The following STXBP5L variants were observed in gnomAD, a reference collection of about 807,000 sequenced individuals.
STXBP5L encodes syntaxin binding protein 5L.
A neutral mutation model predicts 144.5 loss-of-function variants in STXBP5L; 65 were observed. The observed-to-expected ratio is 0.45, with a 90% CI of 0.37 to 0.55. The LOEUF (loss-of-function observed/expected upper bound fraction) is 0.55. Among genes scored for constraint, STXBP5L ranks in the 20% least tolerant of loss-of-function variants. STXBP5L has a pLI of 0.00. For synonymous variants in STXBP5L, 505 were observed against 469.6 expected, an observed-to-expected ratio of 1.08 and a Z score of -0.97; for missense variants, 1,298 against 1,405.5, an observed-to-expected ratio of 0.92 and a Z score of 1.22.
At chr3:120,942,470 A>G (rs1420112766) in intron 2 of STXBP5L, among the ~76,000 whole-genome samples, 2 of 151,574 alleles carry the variant, frequency 1.3e-5, no homozygotes, top group Non-Finnish European at 3.0e-5. Flanking sequence ...ACCACTTTAT[A>G]TAATAGAAAA....
At chr3:121,166,838 C>T (rs1161757402) in intron 9 of STXBP5L, among the ~76,000 whole-genome samples, 1 of 152,024 alleles carries the variant, frequency 6.6e-6, no homozygotes, top group Non-Finnish European at 1.5e-5. Context: ...AACTTATTCT[C>T]AAATAGCTCA....
rs140015170 is a variant in STXBP5L, at chr3:121,383,605, C to T, written c.2587+2073C>T. On this transcript the variant is annotated intron_variant, in intron 22 of 26. Coordinates refer to ENST00000471454, the MANE Select transcript of STXBP5L (RefSeq NM_001308330.2). ...AGGAGAAAGCCATGAGTCTGGGTTC[C>T]CATGTTTGTTCTGTAATTAACCATT... Among the ~76,000 whole-genome samples the T allele has an allele frequency of 6.7e-3, 1,019 of 151,938 alleles. 12 individuals carry two copies. Among genetic ancestry groups the T allele is most frequent in the African/African-American group, 0.022 (917 of 41,446 alleles).
intron 22 of STXBP5L, among the ~76,000 whole-genome samples, chr3:121,406,417 G>T (rs1393978080): frequency 1.3e-5 from 2 of 152,142 alleles, no homozygotes; most frequent in East Asian, 3.9e-4. Flanking sequence ...TCTGCATGAT[G>T]TAAAAGGACA....
At chr3:120,948,170 G>T (rs567722172) in intron 2 of STXBP5L, among the ~76,000 whole-genome samples, 41 of 151,586 alleles carry the variant, frequency 2.7e-4, no homozygotes, top group African/African-American at 9.6e-4. Context: ...GTATCTTGTT[G>T]ATATGATTTA....
intron 20 of STXBP5L, among the ~76,000 whole-genome samples, chr3:121,341,843 T>C (rs1228128924): frequency 1.4e-5 from 2 of 147,082 alleles, no homozygotes; most frequent in Non-Finnish European, 3.0e-5. Flanking sequence ...AGAGAGATAC[T>C]AGAGGCTGAG....
intron 3 of STXBP5L, among the ~76,000 whole-genome samples, chr3:120,962,806 G>T (rs1939024350): frequency 6.6e-6 from 1 of 152,134 alleles, no homozygotes; most frequent in Non-Finnish European, 1.5e-5. Flanking sequence ...TTCCAATTCT[G>T]TGAAGAAAGT....
intron 5 of STXBP5L, among the ~76,000 whole-genome samples, chr3:121,085,456 A>G (rs12632389): frequency 0.011 from 1,699 of 152,294 alleles, 48 homozygotes; most frequent in South Asian, 0.069. Flanking sequence ...TAAACTGATA[A>G]GCAACTTCAG....
intron 9 of STXBP5L, among the ~76,000 whole-genome samples, chr3:121,177,075 C>G (rs2046965632): frequency 6.7e-6 from 1 of 148,410 alleles, no homozygotes; most frequent in African/African-American, 2.5e-5. Context: ...GGCCAATATG[C>G]AAAAACTAGA....
At chr3:121,083,965 TC>T (rs1237834983) in intron 5 of STXBP5L, among the ~76,000 whole-genome samples, 6 of 152,032 alleles carry the variant, frequency 3.9e-5, no homozygotes, top group Non-Finnish European at 8.8e-5. Flanking sequence ...CACTGTTTTT[TC>T]TTTTTTTCTC....
intron 5 of STXBP5L, among the ~76,000 whole-genome samples, chr3:121,054,704 C>T (rs189434582): frequency 6.6e-6 from 1 of 152,010 alleles, no homozygotes; most frequent in African/African-American, 2.4e-5. Context: ...CAAACCTGCA[C>T]ATTGTGCACA....
chr3:120,963,327 T>C (rs1939104797), intron 3 of STXBP5L, among the ~76,000 whole-genome samples: 1 of 152,202 alleles, frequency 6.6e-6, no homozygotes, highest in Non-Finnish European at 1.5e-5. Context: ...ATAGGAATAG[T>C]GAGAAAGGGC....
At chr3:120,995,243 G>T (rs1000122168) in intron 3 of STXBP5L, among the ~76,000 whole-genome samples, 1 of 152,074 alleles carries the variant, frequency 6.6e-6, no homozygotes, top group Non-Finnish European at 1.5e-5. Flanking sequence ...GACCTTCTAG[G>T]CTCAAGCGAT....
At chr3:120,921,929 G>T (rs1709377417) in intron 2 of STXBP5L, among the ~76,000 whole-genome samples, 2 of 151,638 alleles carry the variant, frequency 1.3e-5, no homozygotes, top group South Asian at 4.1e-4. Flanking sequence ...TTTGCTCAGG[G>T]TTTCTTTGGC....
intron 20 of STXBP5L, among the ~76,000 whole-genome samples, chr3:121,340,736 G>A (rs2044679152): frequency 6.6e-6 from 1 of 152,030 alleles, no homozygotes; most frequent in Non-Finnish European, 1.5e-5. Flanking sequence ...GGTTTGCGGT[G>A]TGTAAATTGC....
At chr3:120,976,750 G>A (rs147218837) in intron 3 of STXBP5L, among the ~76,000 whole-genome samples, 1 of 152,110 alleles carries the variant, frequency 6.6e-6, no homozygotes, top group Non-Finnish European at 1.5e-5. Context: ...TTGTGTCTTT[G>A]TTCTCACTGG....
At chr3:121,009,253 A>C (rs1944589649) in intron 3 of STXBP5L, among the ~76,000 whole-genome samples, 1 of 151,800 alleles carries the variant, frequency 6.6e-6, no homozygotes, top group South Asian at 2.1e-4. Context: ...GACATAAGAA[A>C]TAAGAATCCA....
intron 9 of STXBP5L, among the ~76,000 whole-genome samples, chr3:121,186,181 C>T (rs1175069958): frequency 6.6e-6 from 1 of 152,170 alleles, no homozygotes; most frequent in Non-Finnish European, 1.5e-5. Flanking sequence ...TACCTATCAG[C>T]TTAAGGAGGT....
chr3:121,213,541 C>A (rs2048661763), intron 10 of STXBP5L, among the ~76,000 whole-genome samples: 1 of 152,150 alleles, frequency 6.6e-6, no homozygotes, highest in Non-Finnish European at 1.5e-5. Flanking sequence ...TTGAATCAAC[C>A]TTGCATCCCA....
chr3:121,215,670 A>T (rs2048751342), intron 10 of STXBP5L, among the ~76,000 whole-genome samples: 1 of 152,074 alleles, frequency 6.6e-6, no homozygotes, highest in South Asian at 2.1e-4. Flanking sequence ...GAATCTGACG[A>T]TTATGTGTCT....
Sources: gnomAD v4.1 joint callset for allele counts (sites outside exome capture counted in the v4.1 genomes callset) on GRCh38, gnomAD v4.1.1 for gene constraint, MANE v1.5 for transcripts, NCBI Gene and HGNC (gene_info 2026-07-23, HGNC 2026-07-21) for gene names.